CNTNAP3: variants seen among roughly 807,000 people sequenced by gnomAD.
The protein encoded by CNTNAP3 is contactin-associated protein-like 3.
Under a neutral mutation model 92.1 loss-of-function variants are expected in CNTNAP3, and 36 were observed. That is an observed-to-expected ratio of 0.39 (90% CI 0.30 to 0.52). The LOEUF (loss-of-function observed/expected upper bound fraction) is 0.52. CNTNAP3 is among the 20% of genes least tolerant of loss of function. The pLI is 0.76. For synonymous variants in CNTNAP3, 232 were observed against 422.3 expected (o/e 0.55, Z 5.53); for missense variants, 534 against 1,069.6 (o/e 0.50, Z 6.98).
At chr9:39,149,998 A>C in intron 9 of CNTNAP3, 21 bp from the exon 10 acceptor site, 2 of 1,611,176 alleles carry the variant, frequency 1.2e-6, no homozygotes, top group Non-Finnish European at 1.7e-6. Flanking sequence ...AGACAAAAAT[A>C]GGACAAAAGC....
intron 20 of CNTNAP3, chr9:39,086,074 TGGAA>T (rs1587699029): frequency 3.5e-6 from 2 of 564,694 alleles, no homozygotes; most frequent in African/African-American, 1.9e-5. Context: ...TTCTTCATAA[TGGAA>T]GGATCTATAA....
In CNTNAP3 at chr9:39,118,159, C is replaced by T; in HGVS notation, c.2181G>A (p.Glu727=). The T allele has an allele frequency of 6.2e-7, 1 of 1,611,376 alleles. No individual in the cohort carries two copies. The highest frequency in any genetic ancestry group is 8.5e-7 in the Non-Finnish European group (1 of 1,179,444). The change falls in exon 14 of 24, where the codon GAG becomes GAA. Residue 727 remains glutamate (E), a synonymous_variant. Transcript: ENST00000297668. The part of the protein sequence containing the change: ...PDAQKCTCGL[E]GNCIDSQYYC... ...AATACTGAGAATCAATGCAGTTCCC[C>T]TCTAATCCACAAGTACACTTTTGAG...
intron 10 of CNTNAP3, among the ~76,000 whole-genome samples, chr9:39,146,222 G>A (rs1448368814): frequency 1.3e-5 from 2 of 152,134 alleles, no homozygotes; most frequent in East Asian, 1.9e-4. Flanking sequence ...GAGGGCAGGA[G>A]TGGGGTCAGC....
In CNTNAP3 at chr9:39,118,659, G is replaced by C. The variant is rs922925586; in HGVS notation, c.2081-400C>G. Among the ~76,000 whole-genome samples, 9 of 152,224 alleles carry C rather than the reference G, an allele frequency of 5.9e-5. No individual in the cohort carries two copies. The South Asian group carries it at 1.0e-3, about 18-fold the overall frequency. ...AAGTTTAATATTATACAAAGACATT[G>C]ATTTATCTCATCCCATCTTTTTGCT... On this transcript the variant is annotated intron_variant, in intron 13 of 23. Transcript: ENST00000297668.
At chr9:39,075,087 G>C (rs1488508405) in intron 23 of CNTNAP3, among the ~76,000 whole-genome samples, 4 of 152,204 alleles carry the variant, frequency 2.6e-5, no homozygotes, top group Non-Finnish European at 4.4e-5. Context: ...CTTCTCAAAC[G>C]CAGTAGTGTC....
chr9:39,078,458 T>C lies in CNTNAP3; in HGVS notation c.3674-2A>G. 1 of 1,612,138 alleles carries C rather than the reference T, an allele frequency of 6.2e-7. No homozygotes were observed. On this transcript the variant is annotated splice_acceptor_variant, in intron 22 of 23. Coordinates refer to ENST00000297668, the MANE Select transcript of CNTNAP3 (RefSeq NM_033655.5). LOFTEE classifies it high-confidence loss of function. Reference sequence around the variant, plus strand: ...CCTCATCCGCTGGTCCAGAACGACCTACAACAGGGAAAGGGAGAATGATGT... The same window carrying C: ...CCTCATCCGCTGGTCCAGAACGACCCACAACAGGGAAAGGGAGAATGATGT...
At chr9:39,130,102 T>A (rs1463393456) in intron 13 of CNTNAP3, among the ~76,000 whole-genome samples, 1 of 152,184 alleles carries the variant, frequency 6.6e-6, no homozygotes, top group African/African-American at 2.4e-5. Context: ...AAACTAAGTA[T>A]GCAATTACCA....
chr9:39,174,749 TTGCAAA>T lies in CNTNAP3; in HGVS notation c.1071+1194_1071+1199del, dbSNP rs528175060. ...GGGAATAGATCATTAGGGATTGCCATTGCAAAATGATTGGTCTCCTGTGGATAACAA... is the reference window on the plus strand; with the variant it reads ...GGGAATAGATCATTAGGGATTGCCATATGATTGGTCTCCTGTGGATAACAA... On this transcript the variant is annotated intron_variant, in intron 7 of 23. Coordinates refer to ENST00000297668, the MANE Select transcript of CNTNAP3 (RefSeq NM_033655.5). 1.2e-3 allele frequency among the ~76,000 whole-genome samples: 165 copies of T among 136,480 alleles called. 4 individuals carry two copies. The highest frequency in any genetic ancestry group is 1.5e-3 in the Admixed American group (20 of 13,476). 89.5% of individuals were successfully genotyped at this position (136,480 alleles called of 152,430 possible). A position where few individuals can be genotyped will look rare whatever the true frequency, so the allele number is the denominator to read the frequency against.
At chr9:39,134,924 G>C (rs1191185490) in intron 12 of CNTNAP3, among the ~76,000 whole-genome samples, 1 of 152,208 alleles carries the variant, frequency 6.6e-6, no homozygotes, top group African/African-American at 2.4e-5. Context: ...TGATGGTCCA[G>C]AGTAGTTCAC....
At chr9:39,111,894 G>C (rs1390978378) in intron 14 of CNTNAP3, among the ~76,000 whole-genome samples, 1 of 151,954 alleles carries the variant, frequency 6.6e-6, no homozygotes, top group Non-Finnish European at 1.5e-5. Context: ...TTTTCATTCT[G>C]AGCATAAAGA....
intron 21 of CNTNAP3, among the ~76,000 whole-genome samples, chr9:39,079,973 T>TTTTTACTCTTCTTTGG (rs1427473469): frequency 3.1e-5 from 4 of 128,016 alleles, no homozygotes; most frequent in African/African-American, 1.3e-4. Flanking sequence ...CACTTTTCCC[T>TTTTTACTCTTCTTTGG]TTTTACTCTT....
chr9:39,170,419 C>CG lies in CNTNAP3; in HGVS notation c.1333+949_1333+950insC, dbSNP rs1361156143. Among the ~76,000 whole-genome samples, 3 of 112,322 alleles carry CG rather than the reference C, an allele frequency of 2.7e-5. 1 individual carries two copies. Among genetic ancestry groups the CG allele is most frequent in the African/African-American group, 1.7e-4 (3 of 17,916 alleles). The allele number at this position is 112,322 out of a possible 152,430, so 73.7% of individuals were successfully genotyped here. A position where few individuals can be genotyped will look rare whatever the true frequency, so the allele number is the denominator to read the frequency against. On this transcript the variant is annotated intron_variant, in intron 8 of 23. Transcript: ENST00000297668. ...GTGCCTTTTTCTTTTTCAGATTACG[C>CG]TTTTTTTTTTTTTTTAAAGCCCCCA...
chr9:39,143,858 T>A (rs1301157762), intron 11 of CNTNAP3, among the ~76,000 whole-genome samples: 5 of 152,154 alleles, frequency 3.3e-5, no homozygotes, highest in African/African-American at 1.2e-4. Flanking sequence ...TGGCAAGGGG[T>A]TGTTTTTCCA....
chr9:39,138,805 G>C (rs1429513461), intron 12 of CNTNAP3, among the ~76,000 whole-genome samples: 1 of 152,136 alleles, frequency 6.6e-6, no homozygotes, highest in Admixed American at 6.5e-5. Context: ...TAGTGCTTGT[G>C]GAAGAAAATT....
intron 19 of CNTNAP3, among the ~76,000 whole-genome samples, chr9:39,088,206 TTATCAAACA>T (rs1391964390): frequency 4.6e-5 from 7 of 151,798 alleles, no homozygotes; most frequent in South Asian, 2.1e-4. Context: ...CTCCGTAAAA[TTATCAAACA>T]TGTAATGGGA....
intron 9 of CNTNAP3, among the ~76,000 whole-genome samples, chr9:39,161,786 C>T (rs868718501): frequency 5.0e-5 from 6 of 118,934 alleles, no homozygotes; most frequent in Non-Finnish European, 8.4e-5. Context: ...GAGGTTGAGG[C>T]TGTATCGTGT....
intron 13 of CNTNAP3, among the ~76,000 whole-genome samples, chr9:39,122,648 A>G (rs71506459): frequency 0.01 from 1,570 of 152,328 alleles, 10 homozygotes; most frequent in Non-Finnish European, 0.017. Context: ...CTTACATTAA[A>G]GGCTTCCTTA....
intron 9 of CNTNAP3, 26 bp from the exon 10 acceptor site, chr9:39,150,003 A>G: frequency 6.2e-7 from 1 of 1,610,590 alleles, no homozygotes; most frequent in Non-Finnish European, 8.5e-7. Context: ...AAAATAGGAC[A>G]AAAGCAACAA....
At chr9:39,179,286 T>TACACACACACACACACACACACACAC (rs4057871) in intron 4 of CNTNAP3, among the ~76,000 whole-genome samples, 3 of 80,756 alleles carry the variant, frequency 3.7e-5, no homozygotes, top group East Asian at 4.1e-4. Flanking sequence ...TCTCTCTCTC[T>TACACACACACACACACACACACACAC]ACACACACAC....
Sources: gnomAD v4.1 joint callset for allele counts (sites outside exome capture counted in the v4.1 genomes callset) on GRCh38, gnomAD v4.1.1 for gene constraint, MANE v1.5 for transcripts, NCBI Gene and HGNC (gene_info 2026-07-23, HGNC 2026-07-21) for gene names.